The following KCNH5 variants were observed in gnomAD, a reference collection of about 807,000 sequenced individuals.
KCNH5 encodes potassium voltage-gated channel subfamily H member 5.
Under a neutral mutation model 96.1 loss-of-function variants are expected in KCNH5, and 46 were observed. That is an observed-to-expected ratio of 0.48 (90% confidence interval 0.38 to 0.61). The LOEUF (loss-of-function observed/expected upper bound fraction) is 0.61. Among genes scored for constraint, KCNH5 ranks in the 20% least tolerant of loss-of-function variants. The pLI is 0.00. For missense variants in KCNH5, 907 were observed against 1,225.8 expected (o/e 0.74, Z 3.88); for synonymous variants, 439 against 449.8 (o/e 0.98, Z 0.30).
chr14:62,963,477 C>A (rs1890250537), intron 6 of KCNH5, among the ~76,000 whole-genome samples: 1 of 151,880 alleles, frequency 6.6e-6, no homozygotes, highest in Non-Finnish European at 1.5e-5. Context: ...ACCAGGAGAC[C>A]CAAGAAAGCC....
chr14:62,961,508 A>G (rs1325827614), intron 6 of KCNH5, among the ~76,000 whole-genome samples: 1 of 152,150 alleles, frequency 6.6e-6, no homozygotes, highest in African/African-American at 2.4e-5. Context: ...TTAGTCCAAG[A>G]AATGCTGAGG....
chr14:62,792,027 T>A (rs1048876228), intron 9 of KCNH5, among the ~76,000 whole-genome samples: 1 of 151,636 alleles, frequency 6.6e-6, no homozygotes, highest in African/African-American at 2.4e-5. Context: ...GACTATATGA[T>A]TTTTAATTAC....
intron 10 of KCNH5, among the ~76,000 whole-genome samples, chr14:62,731,090 C>T (rs975584024): frequency 6.6e-6 from 1 of 152,014 alleles, no homozygotes; most frequent in East Asian, 1.9e-4. Flanking sequence ...CACTTGAGGT[C>T]AGGAGTTCAA....
intron 10 of KCNH5, among the ~76,000 whole-genome samples, chr14:62,746,884 C>A (rs1419956927): frequency 6.6e-6 from 1 of 152,172 alleles, no homozygotes; most frequent in East Asian, 1.9e-4. Context: ...TTATTATGTT[C>A]TTTCACAAAC....
chr14:63,037,025 A>G (rs949445494), intron 1 of KCNH5, among the ~76,000 whole-genome samples: 1 of 152,206 alleles, frequency 6.6e-6, no homozygotes, highest in African/African-American at 2.4e-5. Flanking sequence ...GTGACTAAGA[A>G]TTAAAAACAT....
intron 7 of KCNH5, among the ~76,000 whole-genome samples, chr14:62,851,485 T>C (rs969363870): frequency 8.9e-4 from 109 of 123,080 alleles, no homozygotes; most frequent in Non-Finnish European, 1.7e-3. Flanking sequence ...TTAAAAGATA[T>C]AGAGGTCTTT....
At chr14:62,759,777 C>A (rs903568894) in intron 10 of KCNH5, among the ~76,000 whole-genome samples, 1 of 152,064 alleles carries the variant, frequency 6.6e-6, no homozygotes, top group Non-Finnish European at 1.5e-5. Context: ...ACTCAGGAAC[C>A]CAACAACAGA....
At chr14:62,966,791 C>T (rs1890313139) in intron 6 of KCNH5, among the ~76,000 whole-genome samples, 1 of 152,130 alleles carries the variant, frequency 6.6e-6, no homozygotes, top group Admixed American at 6.5e-5. Flanking sequence ...CAATCCTGTG[C>T]TATTGTATCA....
chr14:62,973,371 C>G (rs1890445122), intron 6 of KCNH5, among the ~76,000 whole-genome samples: 1 of 152,124 alleles, frequency 6.6e-6, no homozygotes, highest in Non-Finnish European at 1.5e-5. Flanking sequence ...TATGTTAAAA[C>G]TTAATCCTCA....
intron 8 of KCNH5, among the ~76,000 whole-genome samples, chr14:62,803,888 C>A (rs1375571455): frequency 1.3e-5 from 2 of 152,130 alleles, no homozygotes; most frequent in Non-Finnish European, 2.9e-5. Flanking sequence ...TTCAATCCCT[C>A]AAAGCTGAAG....
At chr14:62,892,326 A>G (rs1888726928) in intron 7 of KCNH5, among the ~76,000 whole-genome samples, 1 of 152,244 alleles carries the variant, frequency 6.6e-6, no homozygotes, top group Non-Finnish European at 1.5e-5. Context: ...CCAAAGACTA[A>G]GCCAGAGCAA....
At chr14:62,828,400 G>T (rs527820194) in intron 8 of KCNH5, among the ~76,000 whole-genome samples, 56 of 152,168 alleles carry the variant, frequency 3.7e-4, no homozygotes, top group African/African-American at 1.3e-3. Context: ...CTGCTATAAA[G>T]AACTACCTGA....
intron 10 of KCNH5, among the ~76,000 whole-genome samples, chr14:62,771,442 T>A (rs546311550): frequency 6.6e-6 from 1 of 152,040 alleles, no homozygotes; most frequent in African/African-American, 2.4e-5. Context: ...CTGGCTAACA[T>A]GGTGAAACCC....
intron 7 of KCNH5, among the ~76,000 whole-genome samples, chr14:62,857,983 A>T (rs893909059): frequency 6.6e-6 from 1 of 152,192 alleles, no homozygotes; most frequent in Non-Finnish European, 1.5e-5. Flanking sequence ...CCTTTGTACA[A>T]CCAGAAACAC....
At chr14:62,735,830 G>C (rs1885144404) in intron 10 of KCNH5, among the ~76,000 whole-genome samples, 1 of 152,216 alleles carries the variant, frequency 6.6e-6, no homozygotes, top group Admixed American at 6.5e-5. Context: ...CAATATGACT[G>C]ATGTCCTTTA....
At chr14:62,727,255 C>T (rs541371588) in intron 10 of KCNH5, among the ~76,000 whole-genome samples, 3 of 152,184 alleles carry the variant, frequency 2.0e-5, no homozygotes, top group South Asian at 4.2e-4. Context: ...ATCCCAGCTA[C>T]TTGGGAAGCT....
intron 5 of KCNH5, among the ~76,000 whole-genome samples, chr14:62,981,793 C>G (rs1890612235): frequency 6.6e-6 from 1 of 152,148 alleles, no homozygotes; most frequent in Admixed American, 6.5e-5. Context: ...CCTGCTTTTT[C>G]CCTTCCTCCC....
chr14:62,751,845 C>A (rs1284777920), intron 10 of KCNH5, among the ~76,000 whole-genome samples: 1 of 152,172 alleles, frequency 6.6e-6, no homozygotes, highest in Non-Finnish European at 1.5e-5. Flanking sequence ...CCCATAGCTG[C>A]TTTTTATAGC....
At chr14:62,955,036 A>T (rs1376138919) in intron 6 of KCNH5, among the ~76,000 whole-genome samples, 3 of 151,892 alleles carry the variant, frequency 2.0e-5, no homozygotes, top group Non-Finnish European at 1.5e-5. Flanking sequence ...CCATATCACT[A>T]GGTCACACAT....
Sources: gnomAD v4.1 joint callset for allele counts (sites outside exome capture counted in the v4.1 genomes callset) on GRCh38, gnomAD v4.1.1 for gene constraint, MANE v1.5 for transcripts, NCBI Gene and HGNC (gene_info 2026-07-23, HGNC 2026-07-21) for gene names.